PLEKHH1: variants seen among roughly 807,000 people sequenced by gnomAD.
The protein encoded by PLEKHH1 is pleckstrin homology, MyTH4 and FERM domain containing H1.
Under a neutral mutation model 160.0 loss-of-function variants are expected in PLEKHH1, and 104 were observed. That is an observed-to-expected ratio of 0.65 (90% CI 0.55 to 0.76). The LOEUF is 0.76. Among genes scored for constraint, PLEKHH1 ranks in the 30% least tolerant of loss-of-function variants. PLEKHH1 has a pLI of 0.00. For synonymous variants in PLEKHH1, 619 were observed against 678.4 expected (o/e 0.91, Z 1.36); for missense variants, 1,427 against 1,724.1 (o/e 0.83, Z 3.05).
chr14:67,541,859 G>T lies in PLEKHH1; in HGVS notation c.-9G>T, dbSNP rs1016636537. 3 of 1,587,968 alleles carry T rather than the reference G, an allele frequency of 1.9e-6. No individual in the cohort carries two copies. Among genetic ancestry groups the T allele is most frequent in the Non-Finnish European group, 2.6e-6 (3 of 1,167,604 alleles). ...GGCTCCCCAGAATAATCCAGAAGTC[G>T]ATTCCATCATGGCAGAACTCAAGGT... On this transcript the variant is annotated 5_prime_UTR_variant, in exon 2 of 29. Coordinates refer to ENST00000329153, the MANE Select transcript of PLEKHH1 (RefSeq NM_020715.3).
rs1034875405 is a variant in PLEKHH1 at position 67,576,311 on chromosome 14, G to T, written c.2353-84G>T. 4.0e-6 allele frequency: 3 copies of T among 743,406 alleles called. No individual in the cohort carries two copies. Among genetic ancestry groups the T allele is most frequent in the African/African-American group, 3.5e-5 (2 of 57,292 alleles). The allele number at this position is 743,406 out of a possible 1,614,324, so 46.1% of individuals were successfully genotyped here. The stretch of plus-strand genomic sequence containing the variant: ...ACTAGCTGAACCCCACATGGGCTTG[G>T]TCCCTTCAAGGAGTCCTCCTTGGAG... On this transcript the variant is annotated intron_variant, in intron 16 of 28. Transcript: ENST00000329153. This position sits in a 1 kb window ranked among gnomAD's most constrained non-coding sequence, Gnocchi z 4.0.
At chr14:67,560,042 T>C (rs894413531) in intron 5 of PLEKHH1, among the ~76,000 whole-genome samples, 1 of 152,240 alleles carries the variant, frequency 6.6e-6, no homozygotes, top group Non-Finnish European at 1.5e-5. Flanking sequence ...TATTTATTTA[T>C]TGGAGACAGA....
At chr14:67,565,077 T>C (rs2035026721) in intron 7 of PLEKHH1, among the ~76,000 whole-genome samples, 1 of 152,064 alleles carries the variant, frequency 6.6e-6, no homozygotes. Context: ...CTAGTGAAAA[T>C]GGCATGTGGG....
intron 2 of PLEKHH1, among the ~76,000 whole-genome samples, chr14:67,548,621 C>T (rs1047673066): frequency 1.3e-5 from 2 of 152,092 alleles, no homozygotes; most frequent in Non-Finnish European, 1.5e-5. Flanking sequence ...CACTTGAAAC[C>T]GGGAGGCAGA....
chr14:67,544,141 T>C (rs2034083834), intron 2 of PLEKHH1, among the ~76,000 whole-genome samples: 2 of 152,208 alleles, frequency 1.3e-5, no homozygotes, highest in South Asian at 4.1e-4. Flanking sequence ...TGGTCAGGAA[T>C]ATTAAAGGGC....
chr14:67,574,303 G>T lies in PLEKHH1; in HGVS notation c.1988G>T (p.Trp663Leu), dbSNP rs971632649. 6.2e-6 allele frequency: 10 copies of T among 1,607,354 alleles called. No homozygotes were observed. The highest frequency in any genetic ancestry group is 8.5e-6 in the Non-Finnish European group (10 of 1,176,934). ...TADSPSLLEE[W>L]IRVLQSLLKV... ...GATTCACCCAGCCTGCTGGAGGAGT[G>T]GATCCGAGTACTCCAGAGCCTGCTG... Residue 663 changes from tryptophan to leucine, a missense_variant, in exon 14 of 29, where the codon TGG (tryptophan) becomes TTG (leucine). This residue lies in a region of PLEKHH1 where 831 missense variants were observed against 929.2 expected (regional missense o/e 0.89). Transcript: ENST00000329153. This position sits in a 1 kb window ranked among gnomAD's most constrained non-coding sequence, Gnocchi z 4.2.
At chr14:67,569,511 A>G (rs1170490965) in intron 8 of PLEKHH1, among the ~76,000 whole-genome samples, 1 of 146,486 alleles carries the variant, frequency 6.8e-6, no homozygotes, top group Non-Finnish European at 1.5e-5. Flanking sequence ...CTGCAGTGCC[A>G]GGGCCGTGGG....
chr14:67,583,095 A>G (rs2035979344), intron 24 of PLEKHH1, among the ~76,000 whole-genome samples: 1 of 152,180 alleles, frequency 6.6e-6, no homozygotes, highest in African/African-American at 2.4e-5. Flanking sequence ...CACCTACTAT[A>G]TACCCACAAA....
At chr14:67,572,811 T>C (rs1201404677) in intron 11 of PLEKHH1, among the ~76,000 whole-genome samples, 1 of 152,176 alleles carries the variant, frequency 6.6e-6, no homozygotes, top group Non-Finnish European at 1.5e-5. Context: ...ATCATCTCCC[T>C]GGCTCCATGA....
In PLEKHH1 at chr14:67,568,928, A is replaced by G. The variant is rs145782728; in HGVS notation, c.1264-210A>G. The stretch of plus-strand genomic sequence containing the variant: ...TGTTAAGTATTTCATTGATTCTCAC[A>G]GCAGCCTGAAAGGTAAGTATTATTA... On this transcript the variant is annotated intron_variant, in intron 7 of 28. Transcript: ENST00000329153. 7.0e-4 allele frequency: 382 copies of G among 543,892 alleles called. 5 individuals carry two copies. The highest frequency in any genetic ancestry group is 6.7e-3 in the African/African-American group (348 of 51,698). The allele number at this position is 543,892 out of a possible 1,614,324, so 33.7% of individuals were successfully genotyped here.
chr14:67,552,355 C>T (rs1319643361), intron 2 of PLEKHH1, among the ~76,000 whole-genome samples: 2 of 152,114 alleles, frequency 1.3e-5, no homozygotes, highest in Non-Finnish European at 2.9e-5. Context: ...GATCTGCCCT[C>T]GTGAAAAGTG....
At position 67,575,352 on chromosome 14, in the gene PLEKHH1, T is replaced by C. The variant is rs377713242; in HGVS notation, c.2089-40T>C. The C allele has an allele frequency of 1.3e-5, 16 of 1,214,474 alleles. No individual in the cohort carries two copies. The African/African-American group carries it at 2.2e-4, about 17-fold the overall frequency. 75.2% of individuals were successfully genotyped at this position (1,214,474 alleles called of 1,614,324 possible). A position where few individuals can be genotyped will look rare whatever the true frequency, so the allele number is the denominator to read the frequency against. On this transcript the variant is annotated intron_variant, in intron 14 of 28. Transcript: ENST00000329153. ...CCAGTCCTGGATTTACTTCTAGAGT[T>C]ACCTAGTTCTCATAATGCCAGTTCA...
At chr14:67,543,070 G>A (rs1318921967) in intron 2 of PLEKHH1, among the ~76,000 whole-genome samples, 6 of 152,220 alleles carry the variant, frequency 3.9e-5, no homozygotes, top group African/African-American at 7.2e-5. Context: ...CCCATCTAGA[G>A]AGTGAAGACC....
At position 67,573,311 on chromosome 14, in the gene PLEKHH1, G is replaced by C. The variant is rs199993972; in HGVS notation, c.1764G>C (p.Met588Ile). 3 of 1,613,592 alleles carry C rather than the reference G, an allele frequency of 1.9e-6. No homozygotes were observed. The South Asian group carries it at 3.3e-5, about 18-fold the overall frequency. The change falls in exon 12 of 29, where the codon ATG becomes ATC. Residue 588 changes from methionine to isoleucine, a missense_variant. By Grantham distance (10) the Met-to-Ile change is conservative (BLOSUM62 1). Around this residue, in one of 6 missense-constraint regions of PLEKHH1, gnomAD observed 831 missense variants for 929.2 expected, o/e 0.89. Coordinates refer to ENST00000329153, the MANE Select transcript of PLEKHH1 (RefSeq NM_020715.3). The surrounding 1 kb of genome is among the most constrained non-coding windows in gnomAD (Gnocchi z 4.8). ...SLEKSGYLLKMGSQVKTWKRR... is the reference protein window; with the variant it reads ...SLEKSGYLLKIGSQVKTWKRR... ...AGAAGTCGGGCTACCTGCTGAAAATGGGGAGCCAGGTGAAGACGTGGAAGA... is the reference window on the plus strand; with the variant it reads ...AGAAGTCGGGCTACCTGCTGAAAATCGGGAGCCAGGTGAAGACGTGGAAGA...
chr14:67,544,337 A>C (rs944976651), intron 2 of PLEKHH1, among the ~76,000 whole-genome samples: 4 of 152,336 alleles, frequency 2.6e-5, no homozygotes, highest in African/African-American at 4.8e-5. Context: ...AGGAAACCCA[A>C]GTTCTGGGCC....
chr14:67,562,975 G>T, intron 7 of PLEKHH1, 81 bp downstream of exon 7: 1 of 1,421,066 alleles, frequency 7.0e-7, no homozygotes, highest in Non-Finnish European at 9.4e-7. Context: ...CATGCACTGA[G>T]CAGGAGAGGA....
Position 67,557,404 on chromosome 14 carries a change from C to T in PLEKHH1, c.325C>T (p.Gln109Ter). 1 of 1,613,362 alleles carries T rather than the reference C, an allele frequency of 6.2e-7. No individual in the cohort carries two copies. The highest frequency in any genetic ancestry group is 8.5e-7 in the Non-Finnish European group (1 of 1,179,766). The change falls in exon 4 of 29, where the codon CAG (glutamine) becomes TAG (stop). Residue 109 changes from glutamine to a stop codon, truncating the protein, a stop_gained. Coordinates refer to ENST00000329153, the MANE Select transcript of PLEKHH1 (RefSeq NM_020715.3). LOFTEE classifies it high-confidence loss of function. The stretch of plus-strand genomic sequence containing the variant: ...TGAGCTCATCAGCCAGCTAGAGGCT[C>T]AGCTGGAGAAGCAGGTAAGGGCTCA... ...KDELISQLEA[Q>*]LEKQKQMRAE...
rs777396586 is a variant in PLEKHH1, at chr14:67,572,284, C to T, written c.1728+7C>T. On this transcript the variant is annotated splice_region_variant and intron_variant, in intron 11 of 28. Transcript: ENST00000329153. The stretch of plus-strand genomic sequence containing the variant: ...CGGGCTGGGCCTGGGCGGGGTGAGC[C>T]GGGAAACGGGCGGGGGCAGGGTGGA... 25 of 1,584,040 alleles carry T rather than the reference C, an allele frequency of 1.6e-5. No homozygotes were observed. Among genetic ancestry groups the T allele is most frequent in the African/African-American group, 2.7e-5 (2 of 74,146 alleles).
rs758387740 is a variant in PLEKHH1, at chr14:67,585,612, T to C, written c.3744T>C (p.Ala1248=). ...SSKENALVWI[A]VNEDGVSILD... is the part of the protein sequence containing the mutation. ...AGGAGAACGCTCTGGTGTGGATTGC[T>C]GTGAATGAGGATGGCGTCAGCATCC... is the stretch of plus-strand genomic sequence containing the variant. The change falls in exon 27 of 29, where the codon GCT becomes GCC. Residue 1248 remains alanine, a synonymous_variant. Coordinates refer to ENST00000329153, the MANE Select transcript of PLEKHH1 (RefSeq NM_020715.3). 1 of 1,584,854 alleles carries C rather than the reference T, an allele frequency of 6.3e-7. No individual in the cohort carries two copies. Among genetic ancestry groups the C allele is most frequent in the Non-Finnish European group, 8.6e-7 (1 of 1,164,486 alleles).
Sources: gnomAD v4.1 joint callset for allele counts (sites outside exome capture counted in the v4.1 genomes callset) on GRCh38, gnomAD v4.1.1 for gene constraint, gnomAD v4.1.1 regional missense constraint, Gnocchi (gnomAD v3.1) non-coding constraint, MANE v1.5 for transcripts, NCBI Gene and HGNC (gene_info 2026-07-23, HGNC 2026-07-21) for gene names.